The following PCDH10 variants were observed in gnomAD, a reference collection of about 807,000 sequenced individuals.
PCDH10 encodes the protein protocadherin-10.
In PCDH10, 15 loss-of-function variants were observed where a neutral mutation model predicts 74.4. The observed-to-expected ratio is 0.20, with a 90% CI of 0.13 to 0.31. PCDH10 has a LOEUF of 0.31. Ranked by LOEUF, PCDH10 falls within the 10% of genes least tolerant of loss-of-function variation. The pLI is 1.00. For missense variants in PCDH10, 1,260 were observed against 1,390.2 expected (o/e 0.91, Z 1.49); for synonymous variants, 619 against 589.8 (o/e 1.05, Z -0.72).
downstream of PCDH10, among the ~76,000 whole-genome samples, chr4:133,198,756 A>T (rs1560718631): frequency 6.6e-6 from 1 of 152,162 alleles, no homozygotes; most frequent in Non-Finnish European, 1.5e-5. Context: ...CACTGTGGTT[A>T]TTGGTTATAG....
chr4:133,206,915 A>G (rs1038266556), intron 2 of PCDH10, among the ~76,000 whole-genome samples: 12 of 152,176 alleles, frequency 7.9e-5, no homozygotes, highest in African/African-American at 2.4e-4. Flanking sequence ...TTAGGGCTAT[A>G]TAGAAAAGCA....
intron 1 of PCDH10, 180 bp downstream of exon 1, chr4:133,152,951 T>G (rs1360874809): frequency 6.9e-6 from 10 of 1,451,428 alleles, no homozygotes; most frequent in Non-Finnish European, 7.3e-6. Context: ...AACCTAACTT[T>G]CGCGTTGTTC....
At position 133,149,794 on chromosome 4, in the gene PCDH10, C is replaced by G; in HGVS notation, c.-347C>G. 5.4e-6 allele frequency: 1 copy of G among 183,998 alleles called. No homozygotes were observed. Among genetic ancestry groups the G allele is most frequent in the Non-Finnish European group, 1.1e-5 (1 of 88,770 alleles). The allele number at this position is 183,998 out of a possible 1,614,324, so 11.4% of individuals were successfully genotyped here. On this transcript the variant is annotated 5_prime_UTR_variant, in exon 1 of 5. In the 5' UTR this introduces an upstream ATG that the reference lacks. Transcript: ENST00000264360. ...CAAACCGAGGACAGTCTTGAAATAT[C>G]GAAATTTCCTCTTTGGGATTTGCCA...
chr4:133,156,180 T>C (rs2125860702), intron 3 of PCDH10, among the ~76,000 whole-genome samples: 1 of 152,320 alleles, frequency 6.6e-6, no homozygotes, highest in African/African-American at 2.4e-5. Flanking sequence ...TGAGGCAGTG[T>C]GTCAAAGGGC....
intron 4 of PCDH10, among the ~76,000 whole-genome samples, chr4:133,182,721 C>G (rs1052643438): frequency 5.9e-5 from 9 of 151,992 alleles, no homozygotes; most frequent in African/African-American, 1.9e-4. Flanking sequence ...AGTCTCCAAA[C>G]TTTACTTTGA....
chr4:133,150,337 T>G lies in PCDH10; in HGVS notation c.197T>G (p.Leu66Arg). ...AACTCAAGGACCCCTTACTTAGACC[T>G]CAACCTGGAGACAGGGGTGCTGTAC... is the stretch of plus-strand genomic sequence containing the variant. ...VPNSRTPYLD[L>R]NLETGVLYVN... Residue 66 changes from leucine to arginine, a missense_variant, in exon 1 of 5, where the codon CTC (leucine) becomes CGC (arginine). By Grantham distance (102) the Leu-to-Arg change is moderately radical (BLOSUM62 -2). Coordinates refer to ENST00000264360, the MANE Select transcript of PCDH10 (RefSeq NM_032961.3). The G allele has an allele frequency of 6.2e-7, 1 of 1,613,666 alleles. No homozygotes were observed. The highest frequency in any genetic ancestry group is 8.5e-7 in the Non-Finnish European group (1 of 1,179,836).
intron 1 of PCDH10, 88 bp downstream of exon 1, chr4:133,152,859 T>C (rs1200091395): frequency 2.6e-6 from 4 of 1,554,174 alleles, no homozygotes; most frequent in East Asian, 4.6e-5. Flanking sequence ...TGGTGCACTG[T>C]ATCTATTTTT....
chr4:133,150,194 C>T lies in PCDH10; in HGVS notation c.54C>T (p.Ser18=), dbSNP rs1468412874. 1 of 1,603,170 alleles carries T rather than the reference C, an allele frequency of 6.2e-7. No individual in the cohort carries two copies. The highest frequency in any genetic ancestry group is 8.5e-7 in the Non-Finnish European group (1 of 1,175,738). Residue 18 remains serine (S), a synonymous_variant, in exon 1 of 5, where the codon TCC becomes TCT. Transcript: ENST00000264360. The part of the protein sequence containing the change: ...ALLWMVEGVF[S]QLHYTVQEEQ... ...TCTGGATGGTGGAAGGAGTCTTTTC[C>T]CAGCTTCACTACACGGTACAGGAGG...
At chr4:133,206,027 T>G (rs1727996839) in intron 2 of PCDH10, among the ~76,000 whole-genome samples, 1 of 152,184 alleles carries the variant, frequency 6.6e-6, no homozygotes, top group African/African-American at 2.4e-5. Flanking sequence ...GAAGATAAAT[T>G]CTGTCCCTGT....
At chr4:133,195,534 A>T (rs1178939893), downstream of PCDH10, among the ~76,000 whole-genome samples, 1 of 152,120 alleles carries the variant, frequency 6.6e-6, no homozygotes, top group Non-Finnish European at 1.5e-5. Context: ...ATGAATTTTC[A>T]GTGGTAAAAT....
intron 2 of PCDH10, among the ~76,000 whole-genome samples, chr4:133,205,138 A>T (rs1727976603): frequency 1.3e-5 from 2 of 152,190 alleles, no homozygotes; most frequent in Non-Finnish European, 2.9e-5. Context: ...CTTCTGGAGC[A>T]GAGTGGGAAG....
Position 133,151,592 on chromosome 4 carries a change from G to A in PCDH10, c.1452G>A (p.Ala484=), listed in dbSNP as rs781736549. 3 of 1,613,924 alleles carry A rather than the reference G, an allele frequency of 1.9e-6. No individual in the cohort carries two copies. The highest frequency in any genetic ancestry group is 2.5e-6 in the Non-Finnish European group (3 of 1,180,022). ...ACGTGCCTGGCGCCTACATCTACGC[G>A]GTGAGCGCCACCGACCGGGATGAGG... ...ENNVPGAYIY[A]VSATDRDEGA... The change falls in exon 1 of 5, where the codon GCG becomes GCA. Residue 484 remains alanine, a synonymous_variant. Transcript: ENST00000264360.
Position 133,190,153 on chromosome 4 carries a change from T to A in PCDH10, c.3116T>A (p.Ile1039Lys). 1 of 1,612,278 alleles carries A rather than the reference T, an allele frequency of 6.2e-7. No individual in the cohort carries two copies. Among genetic ancestry groups the A allele is most frequent in the Non-Finnish European group, 8.5e-7 (1 of 1,178,458 alleles). The change falls in exon 5 of 5, where the codon ATA (isoleucine) becomes AAA (lysine). Residue 1039 changes from isoleucine (I) to lysine (K), a missense_variant. Ile to Lys is a moderately radical substitution (Grantham distance 102). This residue lies in a region of PCDH10 where 136 missense variants were observed against 149.3 expected (regional missense o/e 0.91). Coordinates refer to ENST00000264360, the MANE Select transcript of PCDH10 (RefSeq NM_032961.3). ...TTCTTTTTCACAGCACGGAAAAGGA[T>A]ATGCTAGTCAATTCTACAGGACTTA... ...YKPPYLTRKRIC is the reference protein window; with the variant it reads ...YKPPYLTRKRKC
rs547738392 is a variant in PCDH10, at chr4:133,151,852, C to A, written c.1712C>A (p.Ala571Asp). 8.1e-6 allele frequency: 13 copies of A among 1,613,102 alleles called. No individual in the cohort carries two copies. The African/African-American group carries it at 1.6e-4, about 20-fold the overall frequency. ...NILIVDQNDN[A>D]PAIVAPLPGR... ...CTCATAGTGGATCAAAATGACAACG[C>A]CCCTGCCATCGTGGCGCCTCTACCA... Residue 571 changes from alanine to aspartate, a missense_variant, in exon 1 of 5, where the codon GCC becomes GAC. Ala to Asp is a moderately radical substitution (Grantham distance 126, BLOSUM62 -2). Coordinates refer to ENST00000264360, the MANE Select transcript of PCDH10 (RefSeq NM_032961.3).
chr4:133,175,496 A>T (rs1486154218), intron 4 of PCDH10, among the ~76,000 whole-genome samples: 1 of 152,140 alleles, frequency 6.6e-6, no homozygotes, highest in Admixed American at 6.6e-5. Flanking sequence ...CTTATGTTTC[A>T]TGAACTCATT....
Position 133,152,754 on chromosome 4 carries a change from A to G in PCDH10, c.2614A>G (p.Ser872Gly). 2 of 1,614,230 alleles carry G rather than the reference A, an allele frequency of 1.2e-6. No homozygotes were observed. The highest frequency in any genetic ancestry group is 1.7e-6 in the Non-Finnish European group (2 of 1,180,042). ...DQQPDIISNG[S>G]ILSNETKHQR... ...GCAGCCTGATATCATCTCCAACGGA[A>G]GCATTTTGTCCAACGAGGTAAGGCT... The change falls in exon 1 of 5, where the codon AGC becomes GGC. Residue 872 changes from serine (S) to glycine (G), a missense_variant. Coordinates refer to ENST00000264360, the MANE Select transcript of PCDH10 (RefSeq NM_032961.3).
At chr4:133,162,176 T>A (rs1383624182) in intron 3 of PCDH10, among the ~76,000 whole-genome samples, 1 of 152,158 alleles carries the variant, frequency 6.6e-6, no homozygotes, top group Non-Finnish European at 1.5e-5. Flanking sequence ...TGTTCCAATA[T>A]AGAGCAAGTA....
At chr4:133,160,479 C>T (rs1194241824) in intron 3 of PCDH10, among the ~76,000 whole-genome samples, 2 of 150,508 alleles carry the variant, frequency 1.3e-5, no homozygotes, top group Non-Finnish European at 3.0e-5. Context: ...AACTTTACTA[C>T]ATAATCTAAG....
intron 4 of PCDH10, among the ~76,000 whole-genome samples, chr4:133,167,925 A>G (rs1056069151): frequency 5.9e-5 from 9 of 151,414 alleles, no homozygotes; most frequent in Non-Finnish European, 3.0e-5. Context: ...ACTTGACATC[A>G]GAAAAAAAAT....
Sources: allele counts gnomAD v4.1 joint callset (sites outside exome capture counted in the v4.1 genomes callset), GRCh38; gene constraint gnomAD v4.1.1; regional missense constraint gnomAD v4.1.1; transcripts MANE v1.5; gene names NCBI Gene and HGNC (gene_info 2026-07-23, HGNC 2026-07-21).